NSMF: variants seen among roughly 807,000 people sequenced by gnomAD.
NSMF encodes the protein NMDA receptor synaptonuclear signaling and neuronal migration factor, also known as nasal embryonic LHRH factor.
In NSMF, 31 loss-of-function variants were observed where a neutral mutation model predicts 71.0. The observed-to-expected ratio is 0.44, with a 90% CI of 0.33 to 0.59. The LOEUF is 0.59. Ranked by LOEUF, NSMF falls within the 20% of genes least tolerant of loss-of-function variation. The probability of loss-of-function intolerance (pLI) is 0.04; values close to 1 mark genes in which losing one functional copy is unlikely to be tolerated. For synonymous variants in NSMF, 345 were observed against 287.1 expected (o/e 1.20, Z -2.04); for missense variants, 673 against 740.5 (o/e 0.91, Z 1.06).
intron 6 of NSMF, 45 bp from the exon 7 acceptor site, chr9:137,454,488 C>T (rs1024138215): frequency 1.5e-5 from 23 of 1,549,544 alleles, no homozygotes; most frequent in Non-Finnish European, 1.8e-5. Flanking sequence ...GAGAGGGTGA[C>T]GGCAGCCCCT....
rs776491850 is a variant in NSMF, at chr9:137,457,449, G to A, written c.586C>T (p.Arg196Cys). Residue 196 changes from arginine (R) to cysteine (C), a missense_variant, in exon 3 of 16, where the codon CGC becomes TGC. Physicochemically the swap from Arg to Cys is radical, Grantham distance 180. Around this residue, in one of 2 missense-constraint regions of NSMF, gnomAD observed 471 missense variants for 459.6 expected, o/e 1.02. Transcript: ENST00000371475. The stretch of plus-strand genomic sequence containing the variant: ...CTGTACATCCTCTCCAGCTTCTTGC[G>A]GCGACCGGAGGTCTCAGGCAGAGGT... ...QPPLPETSGRRKKLERMYSVD... is the reference protein window; with the variant it reads ...QPPLPETSGRCKKLERMYSVD... The A allele has an allele frequency of 4.0e-5, 64 of 1,612,726 alleles. No individual in the cohort carries two copies. The highest frequency in any genetic ancestry group is 7.7e-5 in the South Asian group (7 of 91,084).
At chr9:137,451,094 CT>C (rs1489506825) in intron 12 of NSMF, among the ~76,000 whole-genome samples, 1 of 66,026 alleles carries the variant, frequency 1.5e-5, no homozygotes, top group Non-Finnish European at 2.9e-5. Flanking sequence ...TCCCCTTGAT[CT>C]TCCCCTGCCA....
At chr9:137,452,953 C>A in intron 9 of NSMF, 103 bp downstream of exon 9, 1 of 1,584,102 alleles carries the variant, frequency 6.3e-7, no homozygotes, top group Non-Finnish European at 8.6e-7. Flanking sequence ...CTCCCCCAGG[C>A]AGCTGGAGAA....
chr9:137,458,022 C>T (rs1830935438), intron 2 of NSMF, 121 bp from the exon 3 acceptor site: 2 of 1,380,212 alleles, frequency 1.4e-6, no homozygotes, highest in East Asian at 2.5e-5. Flanking sequence ...ACTAGGGCTG[C>T]CCAAACCCTA....
At chr9:137,450,519 CTTTGAT>C (rs1830438460) in intron 12 of NSMF, among the ~76,000 whole-genome samples, 1 of 18,412 alleles carries the variant, frequency 5.4e-5, no homozygotes, top group Non-Finnish European at 9.7e-5. Flanking sequence ...CGCCTCTTCC[CTTTGAT>C]CTCCCCCACC....
At chr9:137,455,125 G>T in intron 6 of NSMF, 114 bp downstream of exon 6, 1 of 1,148,324 alleles carries the variant, frequency 8.7e-7, no homozygotes, top group Non-Finnish European at 1.3e-6. Flanking sequence ...GCAGGGCCAG[G>T]CCAGTGGTCG....
chr9:137,458,684 G>C lies in NSMF; in HGVS notation c.72-135C>G. ...GGAGGGTCGGGGTCGTCCCCCTCCG[G>C]GAGCCCACACACCCTTGGTCCTGGT... is the stretch of plus-strand genomic sequence containing the variant. On this transcript the variant is annotated intron_variant, in intron 1 of 15. Coordinates refer to ENST00000371475, the MANE Select transcript of NSMF (RefSeq NM_001130969.3). The C allele has an allele frequency of 3.4e-6, 3 of 872,758 alleles. No individual in the cohort carries two copies. In the Admixed American group the frequency reaches 6.0e-5, roughly 17 times the overall value. 54.1% of individuals were successfully genotyped at this position (872,758 alleles called of 1,614,324 possible).
In NSMF at chr9:137,454,404, C is replaced by T. The variant is rs1830726319; in HGVS notation, c.819G>A (p.Arg273=). The T allele has an allele frequency of 4.5e-6, 7 of 1,550,258 alleles. No individual in the cohort carries two copies. The highest frequency in any genetic ancestry group is 6.1e-6 in the Non-Finnish European group (7 of 1,146,872). Residue 273 remains arginine, a synonymous_variant, in exon 7 of 16, where the codon AGG becomes AGA. Transcript: ENST00000371475. ...ACGGGGTCTTACTCTGGGCCTTCACCCTCCGGCTGCCGACCATGCGCAGGT... is the reference window on the plus strand; with the variant it reads ...ACGGGGTCTTACTCTGGGCCTTCACTCTCCGGCTGCCGACCATGCGCAGGT... ...RKHLRMVGSR[R]VKAQTFAERR...
rs753889332 is a variant in NSMF, at chr9:137,449,610, A to T, written c.1484T>A (p.Leu495His). ...YRVTFESPLE[L>H]SAQGKQMIET... ...CCTGGGTAACTCACCTTGGGCTGAG[A>T]GCTCCAGGGGTGACTCGAAGGTGAC... Residue 495 changes from leucine (L) to histidine (H), a missense_variant, in exon 15 of 16, where the codon CTC becomes CAC. Around this residue, in one of 2 missense-constraint regions of NSMF, gnomAD observed 202 missense variants for 280.8 expected, o/e 0.72. Coordinates refer to ENST00000371475, the MANE Select transcript of NSMF (RefSeq NM_001130969.3). 6.2e-7 allele frequency: 1 copy of T among 1,612,508 alleles called. No homozygotes were observed. Among genetic ancestry groups the T allele is most frequent in the Non-Finnish European group, 8.5e-7 (1 of 1,179,766 alleles).
At chr9:137,458,816 C>A (rs1342352907) in intron 1 of NSMF, among the ~76,000 whole-genome samples, 2 of 152,088 alleles carry the variant, frequency 1.3e-5, no homozygotes, top group African/African-American at 4.8e-5. Flanking sequence ...CCACTCCCGA[C>A]CTGGGGGGTG....
In NSMF at chr9:137,459,207, C is replaced by T. The variant is rs1196904850; in HGVS notation, c.-105G>A. On this transcript the variant is annotated 5_prime_UTR_variant, in exon 1 of 16. Transcript: ENST00000371475. ...CGGGGGTCGCGCTCGGGCTCGGGCTCGGGGTCTCGCTCGGGCTCCGGCTCG... is the reference window on the plus strand; with the variant it reads ...CGGGGGTCGCGCTCGGGCTCGGGCTTGGGGTCTCGCTCGGGCTCCGGCTCG... 2 of 864,168 alleles carry T rather than the reference C, an allele frequency of 2.3e-6. No homozygotes were observed. The highest frequency in any genetic ancestry group is 2.9e-6 in the Non-Finnish European group (2 of 697,962). The allele number at this position is 864,168 out of a possible 1,614,324, so 53.5% of individuals were successfully genotyped here.
chr9:137,454,254 G>C, intron 7 of NSMF, 137 bp downstream of exon 7: 1 of 861,696 alleles, frequency 1.2e-6, no homozygotes, highest in Non-Finnish European at 1.9e-6. Flanking sequence ...TGGGGAAGTG[G>C]CTGGAAGGGG....
chr9:137,457,193 G>T (rs1830878288), intron 3 of NSMF, among the ~76,000 whole-genome samples: 1 of 152,164 alleles, frequency 6.6e-6, no homozygotes, highest in Non-Finnish European at 1.5e-5. Flanking sequence ...GGACTGTGAG[G>T]CCTGGCAGAT....
chr9:137,454,314 T>C (rs1024021503), intron 7 of NSMF, 77 bp downstream of exon 7: 4 of 1,401,068 alleles, frequency 2.9e-6, no homozygotes, highest in Admixed American at 2.0e-5. Context: ...GTCGTTCTTA[T>C]CGCAGCTAGC....
chr9:137,453,955 A>C lies in NSMF; in HGVS notation c.833-135T>G. 5.6e-6 allele frequency: 4 copies of C among 709,180 alleles called. No individual in the cohort carries two copies. Among genetic ancestry groups the C allele is most frequent in the East Asian group, 2.7e-5 (1 of 36,794 alleles). 43.9% of individuals were successfully genotyped at this position (709,180 alleles called of 1,614,324 possible). ...GGGTGGGGTCTAAGGCACATGAAGCAGACACGGACCAGAGGCTCGGTTGGT... is the reference window on the plus strand; with the variant it reads ...GGGTGGGGTCTAAGGCACATGAAGCCGACACGGACCAGAGGCTCGGTTGGT... On this transcript the variant is annotated intron_variant, in intron 7 of 15. Transcript: ENST00000371475. The surrounding 1 kb of genome is among the most constrained non-coding windows in gnomAD (Gnocchi z 4.5).
intron 6 of NSMF, 39 bp downstream of exon 6, chr9:137,455,200 A>G (rs1486367616): frequency 6.4e-7 from 1 of 1,564,358 alleles, no homozygotes; most frequent in South Asian, 1.1e-5. Context: ...AGCACAGACC[A>G]GAGATGGACC....
chr9:137,449,715 G>A (rs745561025), intron 14 of NSMF, 41 bp from the exon 15 acceptor site: 12 of 1,564,548 alleles, frequency 7.7e-6, no homozygotes, highest in Middle Eastern at 3.4e-4. Flanking sequence ...GCAGAGAGAT[G>A]GGGAAGGAGG....
At chr9:137,454,570 G>T (rs1830737227) in intron 6 of NSMF, 127 bp from the exon 7 acceptor site, 9 of 1,547,640 alleles carry the variant, frequency 5.8e-6, no homozygotes, top group Non-Finnish European at 7.9e-6. Flanking sequence ...GCTCTCCCTG[G>T]CTCCTGGCAC....
At chr9:137,455,432 C>T (rs557810419) in intron 5 of NSMF, 125 bp from the exon 6 acceptor site, 1 of 1,190,794 alleles carries the variant, frequency 8.4e-7, no homozygotes, top group East Asian at 2.5e-5. Context: ...CAGAGGAGTC[C>T]CAGCCTGCCT....
Sources: gnomAD v4.1 joint callset for allele counts (sites outside exome capture counted in the v4.1 genomes callset) on GRCh38, gnomAD v4.1.1 for gene constraint, gnomAD v4.1.1 regional missense constraint, Gnocchi (gnomAD v3.1) non-coding constraint, MANE v1.5 for transcripts, NCBI Gene and HGNC (gene_info 2026-07-23, HGNC 2026-07-21) for gene names.